DUSP29: variants seen among roughly 807,000 people sequenced by gnomAD.
DUSP29 encodes dual specificity phosphatase 29, also known as atypical dual-specific protein phosphatase.
A neutral mutation model predicts 13.5 loss-of-function variants in DUSP29; 12 were observed. The ratio of observed to expected loss-of-function variants is 0.89; its 90% CI spans 0.57 to 1.44. DUSP29 has a LOEUF of 1.44. DUSP29 is among the 40% of genes most tolerant of loss of function. DUSP29 has a pLI of 0.00. For missense variants in DUSP29, 308 were observed against 301.1 expected (o/e 1.02, Z -0.17); for synonymous variants, 134 against 128.7 (o/e 1.04, Z -0.28).
intron 3 of DUSP29, among the ~76,000 whole-genome samples, chr10:75,042,310 A>G (rs1373760245): frequency 1.3e-5 from 2 of 152,246 alleles, no homozygotes; most frequent in Non-Finnish European, 2.9e-5. Context: ...CATGAAGGGT[A>G]AGGTCTAAAA....
chr10:75,070,065 AGAAGAAAGGAAGGAAG>A (rs1316850090), intron 1 of DUSP29, among the ~76,000 whole-genome samples: 16 of 134,540 alleles, frequency 1.2e-4, no homozygotes, highest in African/African-American at 3.8e-4. Context: ...AAAGAAAGAA[AGAAGAAAGGAAGGAAG>A]GAAGGAAGGA....
chr10:75,042,429 G>C (rs1365390969), intron 3 of DUSP29, among the ~76,000 whole-genome samples: 1 of 152,178 alleles, frequency 6.6e-6, no homozygotes, highest in African/African-American at 2.4e-5. Context: ...AATACTATGA[G>C]GCAAATTTTA....
intron 1 of DUSP29, among the ~76,000 whole-genome samples, chr10:75,071,771 G>A (rs182727917): frequency 5.3e-5 from 8 of 152,222 alleles, no homozygotes; most frequent in Non-Finnish European, 1.0e-4. Context: ...TCCTGCCTTC[G>A]CACCCAAATG....
intron 3 of DUSP29, among the ~76,000 whole-genome samples, chr10:75,042,533 T>C (rs892604756): frequency 2.6e-5 from 4 of 152,242 alleles, no homozygotes; most frequent in African/African-American, 9.6e-5. Context: ...AATAGACTCA[T>C]AAAAGGAAGG....
At chr10:75,071,160 C>G (rs1300559095) in intron 1 of DUSP29, among the ~76,000 whole-genome samples, 2 of 152,252 alleles carry the variant, frequency 1.3e-5, no homozygotes, top group African/African-American at 4.8e-5. Flanking sequence ...GGCTGCATGA[C>G]CTTGGGCAGA....
At chr10:75,043,630 C>CG (rs1846631804) in intron 3 of DUSP29, among the ~76,000 whole-genome samples, 167 bp downstream of exon 3, 1 of 152,172 alleles carries the variant, frequency 6.6e-6, no homozygotes, top group Non-Finnish European at 1.5e-5. Context: ...GCGCACATCC[C>CG]GCTTCCGGCC....
At chr10:75,058,283 G>A (rs1847008040) in intron 2 of DUSP29, 32 bp downstream of exon 2, 3 of 1,593,580 alleles carry the variant, frequency 1.9e-6, no homozygotes, top group Non-Finnish European at 2.6e-6. Context: ...GCTGCTGCCT[G>A]CTCCCAAGCG....
rs75404235 is a variant in DUSP29, at chr10:75,070,259, C to A, written c.-35+3310G>T. Among the ~76,000 whole-genome samples, 13 of 152,212 alleles carry A rather than the reference C, an allele frequency of 8.5e-5. No homozygotes were observed. In the East Asian group the frequency reaches 2.5e-3, roughly 29 times the overall value. ...GTAAAGGGTGCAAATAGGACTCAAC[C>A]CAACAGCCCCACATCCCAACCCACC... On this transcript the variant is annotated intron_variant, in intron 1 of 3. Coordinates refer to ENST00000338487, the MANE Select transcript of DUSP29 (RefSeq NM_001003892.3).
chr10:75,055,999 TC>T (rs1189628222), intron 2 of DUSP29, among the ~76,000 whole-genome samples: 23 of 152,290 alleles, frequency 1.5e-4, no homozygotes, highest in African/African-American at 4.8e-4. Flanking sequence ...AGCATCACTC[TC>T]CTGGTCTCCA....
chr10:75,069,925 CTGTAATCCCAGCT>C (rs1443096501), intron 1 of DUSP29, among the ~76,000 whole-genome samples: 2 of 151,572 alleles, frequency 1.3e-5, no homozygotes, highest in African/African-American at 4.9e-5. Context: ...TGGTGTGTGC[CTGTAATCCCAGCT>C]ACTAGGGAGG....
chr10:75,071,235 G>T (rs1310014030), intron 1 of DUSP29, among the ~76,000 whole-genome samples: 1 of 152,238 alleles, frequency 6.6e-6, no homozygotes, highest in Non-Finnish European at 1.5e-5. Context: ...CCCTCATTAA[G>T]CTGCTGCAAT....
In DUSP29 at chr10:75,058,353, G is replaced by C; in HGVS notation, c.162C>G (p.His54Gln). ...LFWKGSPQYTHVNEVWPKLYI... is the reference protein window; with the variant it reads ...LFWKGSPQYTQVNEVWPKLYI... ...AGAGCTTGGGCCAGACCTCGTTGAC[G>C]TGGGTGTACTGGGGACTGCCCTTCC... The change falls in exon 2 of 4, where the codon CAC (histidine) becomes CAG (glutamine). Residue 54 changes from histidine (H) to glutamine (Q), a missense_variant. His to Gln is a conservative substitution (Grantham distance 24). Coordinates refer to ENST00000338487, the MANE Select transcript of DUSP29 (RefSeq NM_001003892.3). 6.2e-7 allele frequency: 1 copy of C among 1,614,184 alleles called. No individual in the cohort carries two copies. Among genetic ancestry groups the C allele is most frequent in the Admixed American group, 1.7e-5 (1 of 60,032 alleles).
intron 2 of DUSP29, among the ~76,000 whole-genome samples, chr10:75,054,174 C>T (rs1209261252): frequency 1.3e-5 from 2 of 152,110 alleles, no homozygotes; most frequent in Non-Finnish European, 2.9e-5. Flanking sequence ...CAGGGAAAGA[C>T]ATTTTAGACA....
intron 2 of DUSP29, among the ~76,000 whole-genome samples, chr10:75,052,489 A>G (rs924777475): frequency 1.3e-5 from 2 of 151,582 alleles, no homozygotes; most frequent in Middle Eastern, 3.2e-3. Context: ...TTGTATTTTT[A>G]GTGGAGACAG....
chr10:75,043,664 G>T, intron 3 of DUSP29, 133 bp downstream of exon 3: 1 of 884,592 alleles, frequency 1.1e-6, no homozygotes, highest in Non-Finnish European at 1.7e-6. Flanking sequence ...GGGAAACCTT[G>T]GGCTAAGGGC....
intron 3 of DUSP29, among the ~76,000 whole-genome samples, chr10:75,041,088 C>T (rs1391112556): frequency 6.6e-6 from 1 of 152,190 alleles, no homozygotes; most frequent in Non-Finnish European, 1.5e-5. Flanking sequence ...TGTCTATCCA[C>T]ACCACTTACA....
intron 3 of DUSP29, among the ~76,000 whole-genome samples, chr10:75,039,948 G>GGT (rs1466899563): frequency 6.6e-6 from 1 of 152,116 alleles, no homozygotes; most frequent in African/African-American, 2.4e-5. Flanking sequence ...GGGAAGCCGA[G>GGT]GTGGGTGGAT....
chr10:75,062,305 G>A (rs983326184), intron 1 of DUSP29, among the ~76,000 whole-genome samples: 4 of 152,194 alleles, frequency 2.6e-5, no homozygotes, highest in Non-Finnish European at 4.4e-5. Flanking sequence ...CCCTGCCTGC[G>A]GTTAATGGAA....
At chr10:75,061,627 G>T (rs1847090181) in intron 1 of DUSP29, among the ~76,000 whole-genome samples, 1 of 152,222 alleles carries the variant, frequency 6.6e-6, no homozygotes, top group Non-Finnish European at 1.5e-5. Flanking sequence ...GTGCTGCGGA[G>T]TCAAGGGAAA....
Sources: gnomAD v4.1 joint callset for allele counts (sites outside exome capture counted in the v4.1 genomes callset) on GRCh38, gnomAD v4.1.1 for gene constraint, MANE v1.5 for transcripts, NCBI Gene and HGNC (gene_info 2026-07-23, HGNC 2026-07-21) for gene names.